Variants in NMU observed in about 807,000 individuals in gnomAD.
NMU encodes the protein neuromedin-U.
In NMU, 29 loss-of-function variants were observed where a neutral mutation model predicts 35.4. The ratio of observed to expected loss-of-function variants is 0.82; its 90% CI spans 0.61 to 1.12. The LOEUF is 1.12. Among genes scored for constraint, NMU ranks in the 50% most tolerant of loss-of-function variants. NMU has a pLI of 0.00. For missense variants in NMU, 199 were observed against 206.2 expected (o/e 0.97, Z 0.21); for synonymous variants, 78 against 81.3 (o/e 0.96, Z 0.22).
chr4:55,625,036 G>C (rs1270965075), intron 2 of NMU, among the ~76,000 whole-genome samples: 7 of 85,782 alleles, frequency 8.2e-5, no homozygotes, highest in Non-Finnish European at 1.6e-4. Context: ...GGGGAGGGGG[G>C]AGGGATAGCA....
In NMU at chr4:55,630,582, T is replaced by C. The variant is rs537663366; in HGVS notation, c.113-122A>G. The C allele has an allele frequency of 2.4e-5, 18 of 744,962 alleles. No homozygotes were observed. In the East Asian group the frequency reaches 4.6e-4, roughly 19 times the overall value. The allele number at this position is 744,962 out of a possible 1,614,324, so 46.1% of individuals were successfully genotyped here. On this transcript the variant is annotated intron_variant, in intron 1 of 9. Transcript: ENST00000264218. ...TCACTGTACATCATCACCCACCTAT[T>C]TCAATATTTCAGCATTTGACTTAGT...
At chr4:55,600,792 C>T in intron 7 of NMU, among the ~76,000 whole-genome samples, 1 of 152,056 alleles carries the variant, frequency 6.6e-6, no homozygotes, top group Non-Finnish European at 1.5e-5. Flanking sequence ...ATTTCCTTGT[C>T]AGTGTGACAG....
chr4:55,603,844 G>A lies in NMU; in HGVS notation c.435+1431C>T, dbSNP rs1484614432. On this transcript the variant is annotated intron_variant, in intron 7 of 9. Transcript: ENST00000264218. ...GGCGAATGGTGTGAACCCGGGGGGC[G>A]GAGCTTGCAGTGAGCCGAGATCACG... is the stretch of plus-strand genomic sequence containing the variant. Among the ~76,000 whole-genome samples the A allele has an allele frequency of 4.1e-5, 6 of 147,466 alleles. No homozygotes were observed. The East Asian group carries it at 8.2e-4, about 20-fold the overall frequency.
chr4:55,618,235 A>G (rs62308667), intron 2 of NMU, among the ~76,000 whole-genome samples: 23,969 of 152,084 alleles, frequency 0.16, 2,191 homozygotes, highest in South Asian at 0.23. Flanking sequence ...AAGTTCTGGG[A>G]AACATGTGCA....
chr4:55,628,033 G>T (rs970387905), intron 2 of NMU, among the ~76,000 whole-genome samples: 10 of 152,180 alleles, frequency 6.6e-5, no homozygotes, highest in African/African-American at 9.7e-5. Context: ...AGTGATACAA[G>T]GAAAGAAGAA....
At chr4:55,607,862 T>G (rs1733755086) in intron 4 of NMU, among the ~76,000 whole-genome samples, 1 of 152,134 alleles carries the variant, frequency 6.6e-6, no homozygotes, top group Non-Finnish European at 1.5e-5. Context: ...ATGAGTTGGT[T>G]TTGATGTCTT....
chr4:55,616,357 G>C lies in NMU; in HGVS notation c.200C>G (p.Ser67Cys), dbSNP rs1340391513. 4.3e-6 allele frequency: 7 copies of C among 1,611,956 alleles called. No individual in the cohort carries two copies. The South Asian group carries it at 7.7e-5, about 18-fold the overall frequency. Reference protein sequence around the residue: ...EIDDTCSSFLSIDSQPQASNA... With the variant: ...EIDDTCSSFLCIDSQPQASNA... ...AATTACCTGAGGCTGAGAATCAATG[G>C]ACAGAAAAGACGAACAAGTATCATC... Residue 67 changes from serine to cysteine, a missense_variant, in exon 3 of 10, where the codon TCC becomes TGC. By Grantham distance (112) the Ser-to-Cys change is moderately radical. Transcript: ENST00000264218.
intron 8 of NMU, among the ~76,000 whole-genome samples, chr4:55,600,250 C>T (rs1347890438): frequency 2.6e-5 from 4 of 151,970 alleles, no homozygotes; most frequent in Admixed American, 1.3e-4. Context: ...ACTTTCTATA[C>T]ATAAAATGTC....
chr4:55,595,938 C>T (rs974256927), intron 9 of NMU, among the ~76,000 whole-genome samples: 3 of 152,044 alleles, frequency 2.0e-5, no homozygotes, highest in African/African-American at 7.2e-5. Flanking sequence ...CCGTACCCGA[C>T]CTGTCTGTAT....
chr4:55,610,886 A>G (rs1733904816), intron 3 of NMU, among the ~76,000 whole-genome samples: 1 of 152,176 alleles, frequency 6.6e-6, no homozygotes, highest in African/African-American at 2.4e-5. Flanking sequence ...GTGTAGGCCT[A>G]GGCTAATATG....
intron 3 of NMU, among the ~76,000 whole-genome samples, chr4:55,611,028 T>C (rs1323350227): frequency 1.3e-5 from 2 of 152,216 alleles, no homozygotes; most frequent in African/African-American, 4.8e-5. Context: ...GTTTGTGTTA[T>C]AAGCCAAGTG....
intron 1 of NMU, among the ~76,000 whole-genome samples, chr4:55,634,195 C>CG (rs993146374): frequency 2.1e-4 from 32 of 151,032 alleles, no homozygotes; most frequent in Non-Finnish European, 4.2e-4. Context: ...ATGTATGTCA[C>CG]GCCCCCCTCG....
intron 2 of NMU, among the ~76,000 whole-genome samples, chr4:55,626,832 G>A (rs1294795756): frequency 6.6e-6 from 1 of 152,162 alleles, no homozygotes; most frequent in African/African-American, 2.4e-5. Flanking sequence ...TTGGCCTTAC[G>A]ATTTATATTT....
At chr4:55,615,769 T>A (rs1734089838) in intron 3 of NMU, among the ~76,000 whole-genome samples, 2 of 152,248 alleles carry the variant, frequency 1.3e-5, no homozygotes, top group South Asian at 4.2e-4. Flanking sequence ...TAGTTACTGA[T>A]CCTCTCCCTC....
At chr4:55,611,053 AAAAAAGTTCTAAAATATT>A (rs141617761) in intron 3 of NMU, among the ~76,000 whole-genome samples, 26,753 of 152,158 alleles carry the variant, frequency 0.18, 2,484 homozygotes, top group South Asian at 0.23. Context: ...TACAAAAGAG[AAAAAAGTTCTAAAATATT>A]AAAAAGTTGG....
At chr4:55,600,458 C>A in intron 8 of NMU, 64 bp downstream of exon 8, 2 of 1,062,950 alleles carry the variant, frequency 1.9e-6, no homozygotes, top group Admixed American at 1.7e-5. Context: ...AAGTTAAATA[C>A]ACAGGGAACA....
intron 9 of NMU, among the ~76,000 whole-genome samples, chr4:55,598,318 G>A (rs1008116986): frequency 9.2e-5 from 14 of 151,620 alleles, no homozygotes; most frequent in South Asian, 2.1e-4. Context: ...GGTGATCCTC[G>A]TGCCCTAGCC....
At chr4:55,603,816 G>A (rs1198577343) in intron 7 of NMU, among the ~76,000 whole-genome samples, 3 of 149,560 alleles carry the variant, frequency 2.0e-5, no homozygotes, top group Non-Finnish European at 4.4e-5. Context: ...GGAGGCTGAG[G>A]CAGGCGAATG....
chr4:55,602,004 TAATA>T (rs748108239), intron 7 of NMU, among the ~76,000 whole-genome samples: 3 of 151,672 alleles, frequency 2.0e-5, no homozygotes, highest in Non-Finnish European at 2.9e-5. Context: ...CTCAAAAAAA[TAATA>T]ATAATACAAA....
Sources: gnomAD v4.1 joint callset for allele counts (sites outside exome capture counted in the v4.1 genomes callset) on GRCh38, gnomAD v4.1.1 for gene constraint, MANE v1.5 for transcripts, NCBI Gene and HGNC (gene_info 2026-07-23, HGNC 2026-07-21) for gene names.